WDR12: variants seen among roughly 807,000 people sequenced by gnomAD.
WDR12 encodes the protein ribosome biogenesis protein WDR12.
A neutral mutation model predicts 64.3 loss-of-function variants in WDR12; 42 were observed. The ratio of observed to expected loss-of-function variants is 0.65; its 90% CI spans 0.51 to 0.84. The LOEUF (loss-of-function observed/expected upper bound fraction) is 0.84, where lower values mean the gene tolerates loss of function less well. WDR12 is among the 40% of genes least tolerant of loss of function. The pLI, the probability that WDR12 is intolerant of heterozygous loss-of-function variation, is 0.00. For synonymous variants in WDR12, 158 were observed against 173.3 expected (o/e 0.91, Z 0.70); for missense variants, 469 against 494.6 (o/e 0.95, Z 0.49).
intron 4 of WDR12, 111 bp downstream of exon 4, chr2:202,899,420 T>A: frequency 1.1e-6 from 1 of 941,274 alleles, no homozygotes; most frequent in Non-Finnish European, 1.6e-6. Context: ...ATCACAAAAT[T>A]AATTTACAAA....
At chr2:202,884,048 T>C (rs1688002122) in intron 10 of WDR12, 150 bp downstream of exon 10, 4 of 753,582 alleles carry the variant, frequency 5.3e-6, no homozygotes, top group East Asian at 2.7e-5. Flanking sequence ...CCTGACCTCA[T>C]GATCTGCCCG....
Position 202,876,672 on chromosome 2 carries a change from A to G in WDR12, c.*4188T>C, listed in dbSNP as rs1444223479. On this transcript the variant is annotated 3_prime_UTR_variant, in exon 13 of 13. Coordinates refer to ENST00000261015, the MANE Select transcript of WDR12 (RefSeq NM_018256.4). ...TGTATTTTTGGCCAGGCACAGTGGC[A>G]TGCCTATAATCCGAGCACTTAGGGA... 1 of 152,242 alleles carries G rather than the reference A, an allele frequency of 6.6e-6. No individual in the cohort carries two copies. The highest frequency in any genetic ancestry group is 1.9e-4 in the East Asian group (1 of 5,192). 9.4% of individuals were successfully genotyped at this position (152,242 alleles called of 1,614,324 possible).
chr2:202,897,901 A>AT (rs1427100356), intron 4 of WDR12, among the ~76,000 whole-genome samples: 5 of 59,132 alleles, frequency 8.5e-5, no homozygotes, highest in African/African-American at 1.9e-4. Context: ...AAAAAAAAAA[A>AT]AAAAAAAATA....
rs1687907853 is a variant in WDR12, at chr2:202,879,055, GAGT to G, written c.*1802_*1804del. On this transcript the variant is annotated 3_prime_UTR_variant, in exon 13 of 13. Transcript: ENST00000261015. Reference sequence around the variant, plus strand: ...CAATTTTTTATTTTTTTTTGAGACAGAGTCTTGCTCTGTTGCCCAGGCTGAAAT... The same window carrying G: ...CAATTTTTTATTTTTTTTTGAGACAGCTTGCTCTGTTGCCCAGGCTGAAAT... 1 of 152,014 alleles carries G rather than the reference GAGT, an allele frequency of 6.6e-6. No individual in the cohort carries two copies. Among genetic ancestry groups the G allele is most frequent in the African/African-American group, 2.4e-5 (1 of 41,386 alleles). The allele number at this position is 152,014 out of a possible 1,614,324, so 9.4% of individuals were successfully genotyped here.
At position 202,894,447 on chromosome 2, in the gene WDR12, C is replaced by T. The variant is rs79239472; in HGVS notation, c.655+134G>A. 11,399 of 658,498 alleles carry T rather than the reference C, an allele frequency of 0.017. 1,003 individuals are homozygous for T. In the African/African-American group the frequency reaches 0.19, roughly 11 times the overall value. The allele number at this position is 658,498 out of a possible 1,614,324, so 40.8% of individuals were successfully genotyped here. On this transcript the variant is annotated intron_variant, in intron 7 of 12. Transcript: ENST00000261015. ...ATGTGGCCTAGGCTGCTCTTGAACT[C>T]GTGGCCTCAAGTGATCCTTCTACCC...
chr2:202,902,031 A>G (rs1205925986), intron 2 of WDR12, among the ~76,000 whole-genome samples: 1 of 152,124 alleles, frequency 6.6e-6, no homozygotes, highest in Non-Finnish European at 1.5e-5. Context: ...CTTTTACCTA[A>G]TTATCGGGAT....
At chr2:202,900,963 G>A (rs1031266029) in intron 3 of WDR12, 62 bp downstream of exon 3, 15 of 1,378,980 alleles carry the variant, frequency 1.1e-5, no homozygotes, top group Non-Finnish European at 1.5e-5. Flanking sequence ...TCTAAAAGGA[G>A]TTTACCTACA....
chr2:202,899,753 A>G (rs1009265393), intron 3 of WDR12, 116 bp from the exon 4 acceptor site: 42 of 836,786 alleles, frequency 5.0e-5, no homozygotes, highest in Admixed American at 3.4e-4. Context: ...AGTCCCCTTT[A>G]TAACTCAGCA....
intron 8 of WDR12, among the ~76,000 whole-genome samples, chr2:202,887,856 CCG>C (rs1574403662): frequency 2.0e-5 from 3 of 146,576 alleles, no homozygotes; most frequent in South Asian, 2.2e-4. Context: ...CCACTGCAGT[CCG>C]CAGTCCGACC....
chr2:202,881,072 G>A (rs1246588322), intron 12 of WDR12, 135 bp from the exon 13 acceptor site: 2 of 633,418 alleles, frequency 3.2e-6, no homozygotes, highest in Admixed American at 6.8e-5. Flanking sequence ...TGCATTGAGA[G>A]TGAGTAAAGG....
At chr2:202,889,129 C>G (rs537912701) in intron 8 of WDR12, among the ~76,000 whole-genome samples, 1 of 152,176 alleles carries the variant, frequency 6.6e-6, no homozygotes, top group East Asian at 1.9e-4. Context: ...TAAATGATTT[C>G]TCAGGAAAAA....
intron 2 of WDR12, 130 bp downstream of exon 2, chr2:202,907,735 A>T: frequency 1.5e-6 from 1 of 667,136 alleles, no homozygotes; most frequent in Non-Finnish European, 2.6e-6. Context: ...AAGAACCTGT[A>T]CTTTATAACT....
At chr2:202,886,486 T>C (rs899106283) in intron 8 of WDR12, among the ~76,000 whole-genome samples, 1 of 140,868 alleles carries the variant, frequency 7.1e-6, no homozygotes, top group Non-Finnish European at 1.5e-5. Flanking sequence ...ACAAAAAAAC[T>C]AGCTGGGTGC....
rs184579736 is a variant in WDR12 at position 202,907,876 on chromosome 2, T to C, written c.125A>G (p.Lys42Arg). 1.9e-6 allele frequency: 3 copies of C among 1,613,616 alleles called. No individual in the cohort carries two copies. In the Admixed American group the frequency reaches 5.0e-5, roughly 27 times the overall value. The change falls in exon 2 of 13, where the codon AAG becomes AGG. Residue 42 changes from lysine (K) to arginine (R), a missense_variant. By Grantham distance (26) the Lys-to-Arg change is conservative (BLOSUM62 2). Coordinates refer to ENST00000261015, the MANE Select transcript of WDR12 (RefSeq NM_018256.4). The stretch of plus-strand genomic sequence containing the variant: ...GCATATATACCCACCATTTTTGTCC[T>C]TTAGTAGTTTATTGATGATGTTACT... Reference protein sequence around the residue: ...DLSNIINKLLKDKNEFHKHVE... With the variant: ...DLSNIINKLLRDKNEFHKHVE...
chr2:202,889,068 T>C (rs1259869820), intron 8 of WDR12, among the ~76,000 whole-genome samples: 1 of 152,208 alleles, frequency 6.6e-6, no homozygotes, highest in East Asian at 1.9e-4. Flanking sequence ...GTTTCTGGCA[T>C]GACTTAAACT....
intron 8 of WDR12, among the ~76,000 whole-genome samples, chr2:202,889,596 G>A (rs1688110900): frequency 6.6e-6 from 1 of 151,882 alleles, no homozygotes; most frequent in African/African-American, 2.4e-5. Context: ...ACTTTAATAA[G>A]TAACCATATC....
chr2:202,911,644 T>A lies in WDR12; in HGVS notation c.-168A>T. ...CTCTGCCTTCTGCCCTCCGGTCTCC[T>A]CTGCAGAAAGCACGAGGTTGCCCTT... On this transcript the variant is annotated 5_prime_UTR_variant, in exon 1 of 13. Transcript: ENST00000261015. 1 of 657,944 alleles carries A rather than the reference T, an allele frequency of 1.5e-6. No individual in the cohort carries two copies. The highest frequency in any genetic ancestry group is 1.8e-5 in the South Asian group (1 of 56,856). 40.8% of individuals were successfully genotyped at this position (657,944 alleles called of 1,614,324 possible).
intron 3 of WDR12, among the ~76,000 whole-genome samples, chr2:202,900,370 T>C (rs1688327270): frequency 6.7e-6 from 1 of 149,642 alleles, no homozygotes; most frequent in African/African-American, 2.5e-5. Context: ...AACATTAAAA[T>C]TAAGAAAAAA....
Position 202,883,726 on chromosome 2 carries a change from G to T in WDR12, c.1004C>A (p.Ser335Ter). ...DPRTKDGSLV[S>*]LSLTSHTGWV... ...ACCAGTATGTGACGTTAGGGACAGC[G>T]ACACCAAAGAACCATCTGAACAAAG... The change falls in exon 11 of 13, where the codon TCG becomes TAG. Residue 335 changes from serine (S) to a stop codon, truncating the protein, a stop_gained. Transcript: ENST00000261015. LOFTEE classifies it high-confidence loss of function. The T allele has an allele frequency of 6.2e-7, 1 of 1,614,062 alleles. No individual in the cohort carries two copies. Among genetic ancestry groups the T allele is most frequent in the South Asian group, 1.1e-5 (1 of 91,070 alleles).
Sources: allele counts gnomAD v4.1 joint callset (sites outside exome capture counted in the v4.1 genomes callset), GRCh38; gene constraint gnomAD v4.1.1; transcripts MANE v1.5; gene names NCBI Gene and HGNC (gene_info 2026-07-23, HGNC 2026-07-21).